RALYL: variants seen among roughly 807,000 people sequenced by gnomAD.
RALYL encodes RALY RNA binding protein like.
In RALYL, 29 loss-of-function variants were observed where a neutral mutation model predicts 35.1. That is an observed-to-expected ratio of 0.83 (90% CI 0.61 to 1.13). RALYL has a LOEUF of 1.13. Among genes scored for constraint, RALYL ranks in the 50% most tolerant of loss-of-function variants. RALYL has a pLI of 0.00. For synonymous variants in RALYL, 120 were observed against 127.6 expected, an observed-to-expected ratio of 0.94 and a Z score of 0.40; for missense variants, 359 against 360.4, an observed-to-expected ratio of 1.00 and a Z score of 0.03.
At chr8:84,499,001 T>C (rs1437031578) in intron 1 of RALYL, among the ~76,000 whole-genome samples, 1 of 152,006 alleles carries the variant, frequency 6.6e-6, no homozygotes, top group Non-Finnish European at 1.5e-5. Context: ...ATAGGAGTTT[T>C]CTTTAGGGAA....
chr8:84,619,439 T>C (rs1483253399), intron 2 of RALYL, among the ~76,000 whole-genome samples: 34 of 148,718 alleles, frequency 2.3e-4, no homozygotes, highest in African/African-American at 8.3e-4. Context: ...TGTTTTCCAT[T>C]TGCTTGGTAG....
chr8:84,838,916 T>C (rs1047445905), intron 4 of RALYL, among the ~76,000 whole-genome samples: 1 of 152,206 alleles, frequency 6.6e-6, no homozygotes, highest in Non-Finnish European at 1.5e-5. Context: ...GCAATTAAAC[T>C]CTGCTGTCTG....
At chr8:84,664,680 A>T (rs1831619590) in intron 2 of RALYL, among the ~76,000 whole-genome samples, 1 of 152,040 alleles carries the variant, frequency 6.6e-6, no homozygotes, top group African/African-American at 2.4e-5. Flanking sequence ...TTGATTTTGT[A>T]TATGAGACTT....
chr8:84,743,509 GA>G (rs1315626703), intron 2 of RALYL, among the ~76,000 whole-genome samples: 1 of 151,908 alleles, frequency 6.6e-6, no homozygotes, highest in Non-Finnish European at 1.5e-5. Flanking sequence ...ATTGGCCTAA[GA>G]AAAGGGTTCT....
chr8:84,774,413 A>G (rs1402301742), intron 2 of RALYL, among the ~76,000 whole-genome samples, 166 bp from the exon 3 acceptor site: 1 of 152,234 alleles, frequency 6.6e-6, no homozygotes, highest in Non-Finnish European at 1.5e-5. Flanking sequence ...TATCCCAAAC[A>G]GTGCCTGACA....
At chr8:84,570,914 CA>C (rs1807815736) in intron 2 of RALYL, among the ~76,000 whole-genome samples, 1 of 151,806 alleles carries the variant, frequency 6.6e-6, no homozygotes, top group Non-Finnish European at 1.5e-5. Flanking sequence ...ACTATCCTTG[CA>C]TGCATGGAAT....
intron 6 of RALYL, among the ~76,000 whole-genome samples, chr8:84,864,201 T>TTGTG (rs112446879): frequency 1.3e-3 from 201 of 150,182 alleles, no homozygotes; most frequent in East Asian, 3.9e-3. Flanking sequence ...GTGTGTGTGT[T>TTGTG]TGTGTGTGTG....
intron 2 of RALYL, among the ~76,000 whole-genome samples, chr8:84,754,548 C>A (rs967007843): frequency 6.6e-6 from 1 of 152,196 alleles, no homozygotes; most frequent in African/African-American, 2.4e-5. Flanking sequence ...GACTATCAGT[C>A]TTTCTTTCAT....
At chr8:84,832,829 T>C (rs1268678838) in intron 4 of RALYL, among the ~76,000 whole-genome samples, 1 of 152,236 alleles carries the variant, frequency 6.6e-6, no homozygotes, top group Non-Finnish European at 1.5e-5. Flanking sequence ...TATTACAACA[T>C]ACAATGTTGT....
intron 1 of RALYL, among the ~76,000 whole-genome samples, chr8:84,380,108 G>T (rs972765992): frequency 2.6e-5 from 4 of 151,086 alleles, no homozygotes; most frequent in Non-Finnish European, 5.9e-5. Context: ...TTAAACTGTA[G>T]AAAGAGCATG....
At chr8:84,863,121 A>G (rs1838456223) in intron 6 of RALYL, among the ~76,000 whole-genome samples, 1 of 152,200 alleles carries the variant, frequency 6.6e-6, no homozygotes, top group African/African-American at 2.4e-5. Flanking sequence ...AAAATTTCCC[A>G]TATTCCTTGA....
intron 2 of RALYL, among the ~76,000 whole-genome samples, chr8:84,702,352 G>T (rs1388552387): frequency 6.6e-6 from 1 of 152,084 alleles, no homozygotes; most frequent in Non-Finnish European, 1.5e-5. Flanking sequence ...CTAGTTCCTG[G>T]TAAAATGCTC....
At chr8:84,466,177 A>G (rs2051596099) in intron 1 of RALYL, among the ~76,000 whole-genome samples, 1 of 136,112 alleles carries the variant, frequency 7.3e-6, no homozygotes, top group Non-Finnish European at 1.6e-5. Flanking sequence ...TTCCAACAGT[A>G]TGTTGAATAG....
chr8:84,212,684 A>G (rs1465171265), intron 1 of RALYL, among the ~76,000 whole-genome samples: 6 of 152,204 alleles, frequency 3.9e-5, no homozygotes, highest in African/African-American at 1.4e-4. Context: ...CAATGTATAA[A>G]TAGAAATCTT....
intron 7 of RALYL, among the ~76,000 whole-genome samples, chr8:84,880,920 A>C (rs1842074119): frequency 6.6e-6 from 1 of 152,014 alleles, no homozygotes; most frequent in Non-Finnish European, 1.5e-5. Flanking sequence ...GACCTAGTTT[A>C]ACTTACTAGC....
chr8:84,856,386 A>G (rs1054200000), intron 5 of RALYL, among the ~76,000 whole-genome samples: 1 of 152,258 alleles, frequency 6.6e-6, no homozygotes, highest in African/African-American at 2.4e-5. Flanking sequence ...TGTATACAAA[A>G]TGTACAGTTA....
chr8:84,857,108 G>T (rs1837217609), intron 5 of RALYL, among the ~76,000 whole-genome samples: 1 of 150,584 alleles, frequency 6.6e-6, no homozygotes, highest in South Asian at 2.1e-4. Flanking sequence ...AAATGAATAG[G>T]CACCTTACTT....
rs2053727855 is a variant in RALYL, at chr8:84,478,921, C to CAAAA, written c.-23-50378_-23-50377insAAAA. Among the ~76,000 whole-genome samples the CAAAA allele has an allele frequency of 3.1e-5, 2 of 63,974 alleles. 1 individual carries two copies. Among genetic ancestry groups the CAAAA allele is most frequent in the Non-Finnish European group, 7.7e-5 (2 of 25,928 alleles). 42.0% of individuals were successfully genotyped at this position (63,974 alleles called of 152,430 possible). Reference sequence around the variant, plus strand: ...CTAACACCGTGAAACCCCGTCTCTACTAAAAATACAAAACATTAGCCGGGC... The same window carrying CAAAA: ...CTAACACCGTGAAACCCCGTCTCTACAAAATAAAAATACAAAACATTAGCCGGGC... On this transcript the variant is annotated intron_variant, in intron 1 of 8. Transcript: ENST00000521268.
chr8:84,690,075 C>G (rs765871706), intron 2 of RALYL, among the ~76,000 whole-genome samples: 4 of 152,084 alleles, frequency 2.6e-5, no homozygotes, highest in East Asian at 1.9e-4. Flanking sequence ...TATCATCACT[C>G]CTCTGTTCAT....
Sources: gnomAD v4.1 joint callset for allele counts (sites outside exome capture counted in the v4.1 genomes callset) on GRCh38, gnomAD v4.1.1 for gene constraint, MANE v1.5 for transcripts, NCBI Gene and HGNC (gene_info 2026-07-23, HGNC 2026-07-21) for gene names.